The following SIPA1L1 variants were observed in gnomAD, a reference collection of about 807,000 sequenced individuals.
SIPA1L1 encodes the protein signal-induced proliferation-associated 1-like protein 1.
SIPA1L1 carries 26 observed loss-of-function variants against 162.7 expected under a neutral mutation model. The observed-to-expected ratio is 0.16, with a 90% confidence interval of 0.12 to 0.22. SIPA1L1 has a LOEUF of 0.22. Among genes scored for constraint, SIPA1L1 ranks in the 10% least tolerant of loss-of-function variants. The pLI, the probability that SIPA1L1 is intolerant of heterozygous loss-of-function variation, is 1.00. For missense variants in SIPA1L1, 1,874 were observed against 2,241.0 expected (o/e 0.84, Z 3.31); for synonymous variants, 829 against 837.4 (o/e 0.99, Z 0.17).
chr14:71,621,401 C>T (rs1418302117), intron 6 of SIPA1L1, among the ~76,000 whole-genome samples: 5 of 152,164 alleles, frequency 3.3e-5, no homozygotes, highest in Non-Finnish European at 4.4e-5. Flanking sequence ...CAGTCTTTTC[C>T]TGCCACACTG....
At chr14:71,708,406 C>G (rs1448315660) in intron 16 of SIPA1L1, among the ~76,000 whole-genome samples, 1 of 151,442 alleles carries the variant, frequency 6.6e-6, no homozygotes, top group Non-Finnish European at 1.5e-5. Flanking sequence ...CTCACTGTAG[C>G]CTCAACCTCC....
At chr14:71,356,543 C>A in intron 2 of SIPA1L1, among the ~76,000 whole-genome samples, 1 of 102,874 alleles carries the variant, frequency 9.7e-6, no homozygotes, top group African/African-American at 3.6e-5. Flanking sequence ...CCAGCCTGGG[C>A]AACATAGCAA....
chr14:71,550,318 G>A (rs1349488799), intron 4 of SIPA1L1, among the ~76,000 whole-genome samples: 2 of 152,142 alleles, frequency 1.3e-5, no homozygotes, highest in Admixed American at 6.5e-5. Flanking sequence ...CTTGCTCCAT[G>A]CAGCTGGGTT....
At position 71,444,635 on chromosome 14, in the gene SIPA1L1, G is replaced by GAA. The variant is rs1474588251; in HGVS notation, c.-464-68105_-464-68104dup. 2.6e-5 allele frequency among the ~76,000 whole-genome samples: 4 copies of GAA among 152,110 alleles called. 1 individual carries two copies. Among genetic ancestry groups the GAA allele is most frequent in the Non-Finnish European group, 5.9e-5 (4 of 68,020 alleles). On this transcript the variant is annotated intron_variant, in intron 2 of 23. Coordinates refer to ENST00000381232, the MANE Select transcript of SIPA1L1 (RefSeq NM_001386936.1). The stretch of plus-strand genomic sequence containing the variant: ...CAGTAAGTGTTCTCAGTGTGACTGT[G>GAA]AAAAGCAAGACTGACCTCTTTCCCT...
At chr14:71,329,656 G>A (rs2034283844) in intron 2 of SIPA1L1, among the ~76,000 whole-genome samples, 1 of 151,988 alleles carries the variant, frequency 6.6e-6, no homozygotes, top group South Asian at 2.1e-4. Context: ...ATGCAAGGTA[G>A]TATCTCATTA....
intron 2 of SIPA1L1, among the ~76,000 whole-genome samples, chr14:71,419,495 T>C (rs1171986833): frequency 7.3e-6 from 1 of 137,466 alleles, no homozygotes; most frequent in Non-Finnish European, 1.6e-5. Context: ...TTTTTTTTTT[T>C]TTTTTTTTTT....
intron 12 of SIPA1L1, among the ~76,000 whole-genome samples, chr14:71,677,051 T>G (rs1437303399): frequency 6.6e-6 from 1 of 152,216 alleles, no homozygotes; most frequent in Non-Finnish European, 1.5e-5. Flanking sequence ...ACCACCACAC[T>G]GACTTCCACA....
intron 2 of SIPA1L1, among the ~76,000 whole-genome samples, chr14:71,387,238 A>G (rs1381927406): frequency 1.4e-5 from 2 of 138,948 alleles, no homozygotes; most frequent in African/African-American, 5.3e-5. Context: ...ACAAGAGCGA[A>G]ACTCTGTCTC....
At chr14:71,659,380 T>C (rs928736757) in intron 9 of SIPA1L1, among the ~76,000 whole-genome samples, 6 of 152,154 alleles carry the variant, frequency 3.9e-5, no homozygotes, top group Non-Finnish European at 7.4e-5. Flanking sequence ...AAATCACAAA[T>C]CTAGGTAACA....
At chr14:71,361,399 C>T (rs2037800891) in intron 2 of SIPA1L1, among the ~76,000 whole-genome samples, 1 of 152,098 alleles carries the variant, frequency 6.6e-6, no homozygotes. Context: ...CTTAGTGCTT[C>T]CATACATATA....
At chr14:71,684,359 A>G (rs1195329249) in intron 12 of SIPA1L1, among the ~76,000 whole-genome samples, 1 of 152,186 alleles carries the variant, frequency 6.6e-6, no homozygotes, top group African/African-American at 2.4e-5. Context: ...CCAGCCAACT[A>G]TGTAAACCCT....
intron 7 of SIPA1L1, among the ~76,000 whole-genome samples, chr14:71,633,500 T>C (rs981353784): frequency 2.6e-5 from 4 of 151,968 alleles, no homozygotes; most frequent in African/African-American, 9.7e-5. Flanking sequence ...AATGAAAAAA[T>C]AGAAAGTCTT....
chr14:71,399,671 G>T (rs955948429), intron 2 of SIPA1L1, among the ~76,000 whole-genome samples: 1 of 152,050 alleles, frequency 6.6e-6, no homozygotes, highest in Admixed American at 6.6e-5. Context: ...TGCTCCCAAA[G>T]TGCTGGGATT....
chr14:71,601,027 G>T (rs988009023), intron 5 of SIPA1L1, among the ~76,000 whole-genome samples: 10 of 152,184 alleles, frequency 6.6e-5, no homozygotes, highest in South Asian at 4.1e-4. Context: ...CTAGATATAA[G>T]ATTATATCAT....
rs759586385 is a variant in SIPA1L1, at chr14:71,487,067, G to A, written c.-464-25676G>A. Among the ~76,000 whole-genome samples the A allele has an allele frequency of 1.9e-4, 29 of 152,150 alleles. 1 individual carries two copies. Among genetic ancestry groups the A allele is most frequent in the Non-Finnish European group, 3.5e-4 (24 of 68,040 alleles). ...TCTGCCATAATCTTCTGATGGCACG[G>A]TGGTCTTTCTTCCCTCTGGATTTTT... On this transcript the variant is annotated intron_variant, in intron 2 of 23. Coordinates refer to ENST00000381232, the MANE Select transcript of SIPA1L1 (RefSeq NM_001386936.1).
intron 2 of SIPA1L1, among the ~76,000 whole-genome samples, chr14:71,481,002 A>C (rs1282358201): frequency 6.6e-6 from 1 of 152,204 alleles, no homozygotes; most frequent in African/African-American, 2.4e-5. Flanking sequence ...TAGGTGCAGA[A>C]ATGCACCCAG....
intron 2 of SIPA1L1, among the ~76,000 whole-genome samples, chr14:71,454,296 G>A (rs36533): frequency 0.32 from 48,569 of 151,942 alleles, 8,470 homozygotes; most frequent in East Asian, 0.68. Flanking sequence ...TTTTACTTGC[G>A]GAAAAACTAT....
At chr14:71,430,609 C>G (rs1327529426) in intron 2 of SIPA1L1, among the ~76,000 whole-genome samples, 1 of 152,178 alleles carries the variant, frequency 6.6e-6, no homozygotes, top group Non-Finnish European at 1.5e-5. Context: ...CTTAATCCAG[C>G]CTTCTCCTAT....
At chr14:71,713,430 G>A (rs185996182) in intron 17 of SIPA1L1, among the ~76,000 whole-genome samples, 1 of 152,200 alleles carries the variant, frequency 6.6e-6, no homozygotes, top group East Asian at 1.9e-4. Context: ...ATAAAAGTTT[G>A]TAAACTCTAC....
Sources: gnomAD v4.1 joint callset for allele counts (sites outside exome capture counted in the v4.1 genomes callset) on GRCh38, gnomAD v4.1.1 for gene constraint, MANE v1.5 for transcripts, NCBI Gene and HGNC (gene_info 2026-07-23, HGNC 2026-07-21) for gene names.